MYO1D: variants seen among roughly 807,000 people sequenced by gnomAD.
The protein encoded by MYO1D is unconventional myosin-Id.
Under a neutral mutation model 122.0 loss-of-function variants are expected in MYO1D, and 83 were observed. The observed-to-expected ratio is 0.68, with a 90% CI of 0.57 to 0.82. The LOEUF is 0.82. MYO1D is among the 40% of genes least tolerant of loss of function. The pLI, the probability that MYO1D is intolerant of heterozygous loss-of-function variation, is 0.00. For missense variants in MYO1D, 1,157 were observed against 1,269.5 expected, an observed-to-expected ratio of 0.91 and a Z score of 1.35; for synonymous variants, 464 against 446.9, an observed-to-expected ratio of 1.04 and a Z score of -0.48.
chr17:32,792,404 T>C (rs1394723661), intron 1 of MYO1D: 1 of 148,432 alleles, frequency 6.7e-6, no homozygotes, highest in Admixed American at 6.6e-5. Flanking sequence ...CACAAAACTT[T>C]GACCCCTTTC....
At chr17:32,638,489 C>A (rs2088139198) in intron 20 of MYO1D, among the ~76,000 whole-genome samples, 1 of 152,162 alleles carries the variant, frequency 6.6e-6, no homozygotes, top group Non-Finnish European at 1.5e-5. Flanking sequence ...AGAGAAAGAT[C>A]ACAAAGAATC....
intron 21 of MYO1D, among the ~76,000 whole-genome samples, chr17:32,543,497 A>T (rs1174854769): frequency 6.6e-6 from 1 of 151,140 alleles, no homozygotes; most frequent in African/African-American, 2.4e-5. Flanking sequence ...AATGGTGTGA[A>T]CCCAGGAGGC....
chr17:32,809,465 G>A (rs2090550327), intron 1 of MYO1D, among the ~76,000 whole-genome samples: 1 of 144,396 alleles, frequency 6.9e-6, no homozygotes, highest in Admixed American at 7.1e-5. Context: ...CTGAGACAGA[G>A]TCTTGCTCTG....
At chr17:32,799,117 A>G (rs1251470002) in intron 1 of MYO1D, among the ~76,000 whole-genome samples, 1 of 152,224 alleles carries the variant, frequency 6.6e-6, no homozygotes, top group Non-Finnish European at 1.5e-5. Context: ...AGTATTTTCT[A>G]TACTCAGGAA....
chr17:32,541,233 T>A (rs1910830320), intron 21 of MYO1D, among the ~76,000 whole-genome samples: 2 of 152,088 alleles, frequency 1.3e-5, no homozygotes, highest in African/African-American at 4.8e-5. Flanking sequence ...ATCTATACAG[T>A]GGAATATTAT....
At chr17:32,515,825 G>A (rs767670201) in intron 21 of MYO1D, among the ~76,000 whole-genome samples, 5 of 152,132 alleles carry the variant, frequency 3.3e-5, no homozygotes, top group East Asian at 1.9e-4. Context: ...CCCAGAACAC[G>A]GAGATGAAAA....
intron 18 of MYO1D, 55 bp from the exon 19 acceptor site, chr17:32,654,002 A>G: frequency 7.1e-7 from 1 of 1,415,118 alleles, no homozygotes; most frequent in Non-Finnish European, 9.9e-7. Context: ...TTAGAAGGAA[A>G]GGCAATCTTT....
intron 10 of MYO1D, among the ~76,000 whole-genome samples, chr17:32,759,379 TAGGA>T (rs2089978392): frequency 6.6e-6 from 1 of 152,050 alleles, no homozygotes; most frequent in South Asian, 2.1e-4. Context: ...AGAAAATAGG[TAGGA>T]AGGAAGATAA....
intron 20 of MYO1D, among the ~76,000 whole-genome samples, chr17:32,624,793 T>C (rs569253308): frequency 1.4e-4 from 22 of 151,782 alleles, no homozygotes; most frequent in Non-Finnish European, 2.7e-4. Flanking sequence ...TATCTTTTTT[T>C]TTTTTTTCTT....
intron 14 of MYO1D, among the ~76,000 whole-genome samples, chr17:32,728,360 C>T (rs528704446): frequency 5.9e-5 from 9 of 152,200 alleles, no homozygotes; most frequent in African/African-American, 1.7e-4. Context: ...GTGCACACCA[C>T]CATGCCTGGC....
At chr17:32,785,513 T>C (rs1426152732) in intron 1 of MYO1D, among the ~76,000 whole-genome samples, 2 of 152,174 alleles carry the variant, frequency 1.3e-5, no homozygotes, top group Non-Finnish European at 2.9e-5. Flanking sequence ...GAGGTGTCCA[T>C]CTACCCATGC....
intron 1 of MYO1D, among the ~76,000 whole-genome samples, chr17:32,832,637 G>C (rs2090783345): frequency 6.6e-6 from 1 of 152,116 alleles, no homozygotes; most frequent in Non-Finnish European, 1.5e-5. Context: ...TTAACTTGCA[G>C]TCTGTGAATA....
At position 32,836,880 on chromosome 17, in the gene MYO1D, A is replaced by G. The variant is rs371808795; in HGVS notation, c.95+39898T>C. Among the ~76,000 whole-genome samples the G allele has an allele frequency of 1.4e-4, 22 of 152,284 alleles. No individual in the cohort carries two copies. The East Asian group carries it at 3.1e-3, about 21-fold the overall frequency. The stretch of plus-strand genomic sequence containing the variant: ...CACTTTTAAAAGTCTCTTGGTAGAC[A>G]TGAATTCTTCTCCTGAGTATATACC... On this transcript the variant is annotated intron_variant, in intron 1 of 21. Coordinates refer to ENST00000318217, the MANE Select transcript of MYO1D (RefSeq NM_015194.3).
chr17:32,619,359 A>G (rs1199309201), intron 20 of MYO1D, among the ~76,000 whole-genome samples: 3 of 152,224 alleles, frequency 2.0e-5, no homozygotes, highest in African/African-American at 7.2e-5. Flanking sequence ...AGCAAGACAA[A>G]TGGCCAAGAA....
At chr17:32,805,717 T>C (rs1438480304) in intron 1 of MYO1D, among the ~76,000 whole-genome samples, 1 of 152,096 alleles carries the variant, frequency 6.6e-6, no homozygotes, top group African/African-American at 2.4e-5. Context: ...TACAGGATAG[T>C]CTAACCCTGA....
chr17:32,812,095 T>C (rs2090577299), intron 1 of MYO1D, among the ~76,000 whole-genome samples: 1 of 152,230 alleles, frequency 6.6e-6, no homozygotes, highest in Non-Finnish European at 1.5e-5. Context: ...CATTCTGCTA[T>C]AAAAAGAGAT....
chr17:32,694,614 T>C (rs1192853775), intron 16 of MYO1D, among the ~76,000 whole-genome samples: 1 of 139,210 alleles, frequency 7.2e-6, no homozygotes. Flanking sequence ...GGCAGGAGAA[T>C]GGCGTGAACC....
Position 32,654,472 on chromosome 17 carries a change from C to T in MYO1D, c.2490+5G>A. ...GTAGATTTCACTTTGTTCCCTTGGA[C>T]TTACTGAAGCAAGATAGTTGCCCTC... On this transcript the variant is annotated splice_donor_5th_base_variant and intron_variant, in intron 18 of 21. Coordinates refer to ENST00000318217, the MANE Select transcript of MYO1D (RefSeq NM_015194.3). 1 of 1,607,878 alleles carries T rather than the reference C, an allele frequency of 6.2e-7. No individual in the cohort carries two copies.
At chr17:32,575,692 T>C (rs2087272921) in intron 21 of MYO1D, among the ~76,000 whole-genome samples, 1 of 152,234 alleles carries the variant, frequency 6.6e-6, no homozygotes, top group South Asian at 2.1e-4. Context: ...TATGTTTCAA[T>C]GGCTCCTGCT....
Sources: allele counts gnomAD v4.1 joint callset (sites outside exome capture counted in the v4.1 genomes callset), GRCh38; gene constraint gnomAD v4.1.1; transcripts MANE v1.5; gene names NCBI Gene and HGNC (gene_info 2026-07-23, HGNC 2026-07-21).